MPDZ: variants seen among roughly 807,000 people sequenced by gnomAD.
The protein encoded by MPDZ is multiple PDZ domain crumbs cell polarity complex component.
Under a neutral mutation model 239.1 loss-of-function variants are expected in MPDZ, and 234 were observed. The observed-to-expected ratio is 0.98, with a 90% CI of 0.88 to 1.09. MPDZ has a LOEUF of 1.09. MPDZ is among the 50% of genes least tolerant of loss of function. MPDZ has a pLI of 0.00. For missense variants in MPDZ, 3,175 were observed against 2,510.0 expected (o/e 1.26, Z -5.66); for synonymous variants, 1,048 against 881.3 (o/e 1.19, Z -3.35).
intron 10 of MPDZ, among the ~76,000 whole-genome samples, chr9:13,209,375 C>T (rs1957356411): frequency 6.6e-6 from 1 of 152,204 alleles, no homozygotes; most frequent in South Asian, 2.1e-4. Flanking sequence ...GTGTGATCCT[C>T]TACCACTGGT....
chr9:13,110,803 C>T (rs955089199), intron 43 of MPDZ, 63 bp from the exon 44 acceptor site: 10 of 1,123,630 alleles, frequency 8.9e-6, no homozygotes, highest in Non-Finnish European at 1.3e-5. Context: ...GTCTTTGAGA[C>T]CTAAGTATTC....
chr9:13,133,260 G>C (rs1325844176), intron 32 of MPDZ, among the ~76,000 whole-genome samples: 5 of 152,256 alleles, frequency 3.3e-5, no homozygotes, highest in African/African-American at 1.2e-4. Flanking sequence ...TCAAACTGAA[G>C]TGTATGGACT....
intron 39 of MPDZ, among the ~76,000 whole-genome samples, chr9:13,117,860 T>C (rs1417159732): frequency 6.6e-6 from 1 of 151,558 alleles, no homozygotes; most frequent in African/African-American, 2.4e-5. Context: ...TTTTTTTTTT[T>C]TGAGATGGAG....
intron 10 of MPDZ, among the ~76,000 whole-genome samples, chr9:13,214,224 G>A (rs556394821): frequency 6.6e-6 from 1 of 152,092 alleles, no homozygotes; most frequent in East Asian, 1.9e-4. Flanking sequence ...CCATATAAAG[G>A]AATATTATTC....
Position 13,158,109 on chromosome 9 carries a change from C to T in MPDZ, c.3361G>A (p.Asp1121Asn), listed in dbSNP as rs377727138. ...LDIFSSYTGRDIPELPEREEG... is the reference protein window; with the variant it reads ...LDIFSSYTGRNIPELPEREEG... ...TCTCGCTCTGGTAATTCTGGAATGT[C>T]TCTGGTTAAAGAATTACACAATGAG... Residue 1121 changes from aspartate (D) to asparagine (N), a missense_variant and splice_region_variant, in exon 24 of 47, where the codon GAC (aspartate) becomes AAC (asparagine). By Grantham distance (23) the Asp-to-Asn change is conservative. Coordinates refer to ENST00000319217, the MANE Select transcript of MPDZ (RefSeq NM_001378778.1). 6.2e-7 allele frequency: 1 copy of T among 1,611,810 alleles called. No homozygotes were observed. The highest frequency in any genetic ancestry group is 8.5e-7 in the Non-Finnish European group (1 of 1,178,550).
At chr9:13,210,698 G>C (rs1260169315) in intron 10 of MPDZ, among the ~76,000 whole-genome samples, 7 of 152,058 alleles carry the variant, frequency 4.6e-5, no homozygotes, top group Non-Finnish European at 8.8e-5. Flanking sequence ...CCTACTACAG[G>C]ACTCCAAGGG....
intron 31 of MPDZ, 87 bp from the exon 32 acceptor site, chr9:13,133,991 T>A: frequency 4.1e-6 from 2 of 489,650 alleles, no homozygotes; most frequent in Non-Finnish European, 6.8e-6. Flanking sequence ...TATTCAAAAT[T>A]ATTTTATACA....
At chr9:13,146,602 G>A (rs184734053) in intron 26 of MPDZ, among the ~76,000 whole-genome samples, 3 of 152,078 alleles carry the variant, frequency 2.0e-5, no homozygotes, top group Admixed American at 2.0e-4. Flanking sequence ...TATGATGGGG[G>A]TTGTTAACTT....
chr9:13,145,488 T>A (rs950661042), intron 26 of MPDZ, among the ~76,000 whole-genome samples: 2 of 152,012 alleles, frequency 1.3e-5, no homozygotes, highest in African/African-American at 4.8e-5. Context: ...AGGAGCTTTA[T>A]CCTATATCTA....
chr9:13,224,285 T>C, intron 4 of MPDZ, 89 bp downstream of exon 4: 2 of 1,219,662 alleles, frequency 1.6e-6, no homozygotes. Context: ...GTTATAAATG[T>C]CACTATATTC....
chr9:13,198,604 G>A (rs1009154806), intron 12 of MPDZ, among the ~76,000 whole-genome samples: 3 of 151,860 alleles, frequency 2.0e-5, no homozygotes, highest in South Asian at 4.2e-4. Context: ...GATCCCATTT[G>A]TCCATTTTGG....
At chr9:13,135,326 C>A (rs747940447) in intron 31 of MPDZ, 4 of 152,178 alleles carry the variant, frequency 2.6e-5, no homozygotes, top group Non-Finnish European at 5.9e-5. Flanking sequence ...CATCTTCAAC[C>A]ACTCATTTTT....
At chr9:13,116,962 A>G (rs1943551951) in intron 39 of MPDZ, among the ~76,000 whole-genome samples, 1 of 152,114 alleles carries the variant, frequency 6.6e-6, no homozygotes, top group Admixed American at 6.5e-5. Flanking sequence ...ATAGGGGGGA[A>G]TATGTTCTAA....
chr9:13,212,428 A>G (rs1489661603), intron 10 of MPDZ, among the ~76,000 whole-genome samples: 1 of 152,114 alleles, frequency 6.6e-6, no homozygotes, highest in Non-Finnish European at 1.5e-5. Context: ...GGTTATTAAA[A>G]GAGTAAAGAA....
intron 19 of MPDZ, among the ~76,000 whole-genome samples, chr9:13,180,960 G>A (rs1953236406): frequency 6.6e-6 from 1 of 152,154 alleles, no homozygotes; most frequent in South Asian, 2.1e-4. Context: ...TGTTTAGGCT[G>A]CCCTGAAGAG....
At chr9:13,152,930 C>T (rs959506370) in intron 24 of MPDZ, among the ~76,000 whole-genome samples, 2 of 152,182 alleles carry the variant, frequency 1.3e-5, no homozygotes, top group South Asian at 2.1e-4. Context: ...GGTCTTTGGC[C>T]TAGATGAGTC....
chr9:13,247,819 A>G lies in MPDZ; in HGVS notation c.17-18T>C, dbSNP rs1270915850. ...ATTTTTGTCTATACCAAAGAGCAGC[A>G]TTTGTCAATAACAGGATTCAAAGGA... On this transcript the variant is annotated intron_variant, in intron 2 of 46. Transcript: ENST00000319217. 7.0e-6 allele frequency: 11 copies of G among 1,582,716 alleles called. No individual in the cohort carries two copies. The highest frequency in any genetic ancestry group is 9.5e-6 in the Non-Finnish European group (11 of 1,156,762).
At chr9:13,123,105 C>G in intron 36 of MPDZ, 48 bp downstream of exon 36, 1 of 1,529,860 alleles carries the variant, frequency 6.5e-7, no homozygotes, top group East Asian at 2.3e-5. Flanking sequence ...GTCTCTGAGG[C>G]CTGGCTGAAG....
rs751787247 is a variant in MPDZ, at chr9:13,219,689, G to A, written c.956C>T (p.Ala319Val). 20 of 1,612,752 alleles carry A rather than the reference G, an allele frequency of 1.2e-5. No homozygotes were observed. Among genetic ancestry groups the A allele is most frequent in the Non-Finnish European group, 1.6e-5 (19 of 1,179,264 alleles). ...DLAGMSSEQV[A>V]QVLRQCGNRV... Reference sequence around the variant, plus strand: ...ATTTCCACATTGCCTAAGGACTTGTGCTACTTGCTCACTGCTCATTCCTGC... The same window carrying A: ...ATTTCCACATTGCCTAAGGACTTGTACTACTTGCTCACTGCTCATTCCTGC... The change falls in exon 8 of 47, where the codon GCA (alanine) becomes GTA (valine). Residue 319 changes from alanine (A) to valine (V), a missense_variant. Transcript: ENST00000319217.
Sources: allele counts gnomAD v4.1 joint callset (sites outside exome capture counted in the v4.1 genomes callset), GRCh38; gene constraint gnomAD v4.1.1; transcripts MANE v1.5; gene names NCBI Gene and HGNC (gene_info 2026-07-23, HGNC 2026-07-21).